Variants in ENPP2 observed in about 807,000 individuals in gnomAD.
ENPP2 encodes autotaxin.
ENPP2 carries 51 observed loss-of-function variants against 120.2 expected under a neutral mutation model. The ratio of observed to expected loss-of-function variants is 0.42; its 90% CI spans 0.34 to 0.54. ENPP2 has a LOEUF of 0.54. Among genes scored for constraint, ENPP2 ranks in the 20% least tolerant of loss-of-function variants. ENPP2 has a pLI of 0.04. For synonymous variants in ENPP2, 365 were observed against 366.4 expected (o/e 1.00, Z 0.04); for missense variants, 920 against 1,066.5 (o/e 0.86, Z 1.91).
upstream of ENPP2, among the ~76,000 whole-genome samples, chr8:119,642,177 AC>A (rs1392863820): frequency 1.3e-5 from 2 of 152,096 alleles, no homozygotes; most frequent in Non-Finnish European, 2.9e-5. Context: ...GGTTTAAACG[AC>A]TTTTTGGTAT....
chr8:119,612,696 C>G (rs1019894647), intron 8 of ENPP2, among the ~76,000 whole-genome samples: 1 of 152,124 alleles, frequency 6.6e-6, no homozygotes, highest in Admixed American at 6.5e-5. Flanking sequence ...TGGAGACAAT[C>G]CTGGGCAACA....
At chr8:119,560,065 A>G (rs16892745) in intron 24 of ENPP2, among the ~76,000 whole-genome samples, 5,040 of 152,196 alleles carry the variant, frequency 0.033, 282 homozygotes, top group African/African-American at 0.11. Context: ...CCTTTGTACC[A>G]AGTTTAGAGC....
At chr8:119,639,097 G>A (rs1587555716), upstream of ENPP2, among the ~76,000 whole-genome samples, 1 of 152,114 alleles carries the variant, frequency 6.6e-6, no homozygotes, top group African/African-American at 2.4e-5. Context: ...AACAGTGCAT[G>A]TTCATTTTCC....
chr8:119,581,919 G>A (rs959263195), intron 18 of ENPP2, among the ~76,000 whole-genome samples: 3 of 151,794 alleles, frequency 2.0e-5, no homozygotes, highest in Non-Finnish European at 4.4e-5. Context: ...TTTTAGTAGA[G>A]ACAGGGTTTC....
At chr8:119,655,340 A>G (rs1380402397) in intron 1 of ENPP2, among the ~76,000 whole-genome samples, 2 of 152,210 alleles carry the variant, frequency 1.3e-5, no homozygotes, top group Non-Finnish European at 2.9e-5. Context: ...CCAACAGAGT[A>G]TTATGCAAGA....
intron 1 of ENPP2, among the ~76,000 whole-genome samples, chr8:119,647,229 T>G (rs1817497489): frequency 6.6e-6 from 1 of 152,044 alleles, no homozygotes; most frequent in African/African-American, 2.4e-5. Flanking sequence ...ACTCCTGACC[T>G]TGTGATCCAC....
chr8:119,600,598 A>T, intron 11 of ENPP2, 80 bp downstream of exon 11: 1 of 901,926 alleles, frequency 1.1e-6, no homozygotes, highest in East Asian at 2.4e-5. Flanking sequence ...TCCAGACTTT[A>T]TACAATTCCT....
chr8:119,560,625 T>C (rs916307914), intron 24 of ENPP2, among the ~76,000 whole-genome samples: 7 of 152,196 alleles, frequency 4.6e-5, no homozygotes, highest in South Asian at 2.1e-4. Flanking sequence ...AAATTTATCT[T>C]CCTAAAGCAG....
chr8:119,667,741 C>T (rs1008516089), intron 1 of ENPP2, among the ~76,000 whole-genome samples: 3 of 152,202 alleles, frequency 2.0e-5, no homozygotes, highest in African/African-American at 4.8e-5. Flanking sequence ...ATTGTTCATA[C>T]TGCAGCCAGA....
At chr8:119,622,650 C>T (rs955264322) in intron 3 of ENPP2, among the ~76,000 whole-genome samples, 15 of 152,138 alleles carry the variant, frequency 9.9e-5, no homozygotes, top group African/African-American at 2.2e-4. Context: ...TGGGAGACTG[C>T]GCCTGGCACA....
At chr8:119,564,683 AATAT>A (rs759942943) in intron 23 of ENPP2, 136 bp downstream of exon 23, 32 of 328,040 alleles carry the variant, frequency 9.8e-5, no homozygotes, top group East Asian at 2.0e-4. Context: ...GTCTCAAAAA[AATAT>A]ATATATATAT....
At chr8:119,655,599 T>C (rs1817747059) in intron 1 of ENPP2, among the ~76,000 whole-genome samples, 1 of 152,230 alleles carries the variant, frequency 6.6e-6, no homozygotes, top group Non-Finnish European at 1.5e-5. Context: ...TTAAATACAA[T>C]AATCCATGTA....
At chr8:119,658,633 C>A (rs1213524305) in intron 1 of ENPP2, among the ~76,000 whole-genome samples, 1 of 152,142 alleles carries the variant, frequency 6.6e-6, no homozygotes, top group East Asian at 1.9e-4. Context: ...AGACAGAGAC[C>A]TTCCCTGACC....
intron 9 of ENPP2, among the ~76,000 whole-genome samples, chr8:119,603,823 T>G (rs1273848146): frequency 2.0e-5 from 3 of 152,136 alleles, no homozygotes; most frequent in Admixed American, 6.5e-5. Flanking sequence ...AAAAGACTAT[T>G]ATGGAGGGGT....
chr8:119,654,904 C>T (rs1262007770), intron 1 of ENPP2, among the ~76,000 whole-genome samples: 1 of 152,080 alleles, frequency 6.6e-6, no homozygotes, highest in Non-Finnish European at 1.5e-5. Flanking sequence ...TGAGTCCTCT[C>T]CCTATAATAA....
At chr8:119,653,287 G>A (rs571523081) in intron 1 of ENPP2, among the ~76,000 whole-genome samples, 7 of 152,248 alleles carry the variant, frequency 4.6e-5, no homozygotes, top group South Asian at 4.2e-4. Flanking sequence ...CCTAGTATAC[G>A]TCAAGCATTG....
At chr8:119,569,109 A>C (rs1027956357) in intron 21 of ENPP2, 126 bp downstream of exon 21, 22 of 891,404 alleles carry the variant, frequency 2.5e-5, no homozygotes, top group Non-Finnish European at 3.7e-5. Context: ...TCCCATAAAA[A>C]TTCATTTAGA....
chr8:119,671,458 G>A (rs1818246155), intron 1 of ENPP2, among the ~76,000 whole-genome samples: 1 of 152,186 alleles, frequency 6.6e-6, no homozygotes, highest in Admixed American at 6.5e-5. Context: ...GGGAGGTGGA[G>A]ACACAGGTAT....
chr8:119,665,347 G>A (rs766106216), intron 1 of ENPP2, among the ~76,000 whole-genome samples: 1 of 152,248 alleles, frequency 6.6e-6, no homozygotes. Context: ...ACACCTTCCT[G>A]CTTGTTGGGT....
Sources: gnomAD v4.1 joint callset for allele counts (sites outside exome capture counted in the v4.1 genomes callset) on GRCh38, gnomAD v4.1.1 for gene constraint, MANE v1.5 for transcripts, NCBI Gene and HGNC (gene_info 2026-07-23, HGNC 2026-07-21) for gene names.